Variants in DENND5B observed in about 807,000 individuals in gnomAD.
The protein encoded by DENND5B is DENN domain-containing protein 5B.
DENND5B carries 34 observed loss-of-function variants against 140.6 expected under a neutral mutation model. The observed-to-expected ratio is 0.24, with a 90% CI of 0.18 to 0.32. The LOEUF (loss-of-function observed/expected upper bound fraction) is 0.32, where lower values mean the gene tolerates loss of function less well. Among genes scored for constraint, DENND5B ranks in the 10% least tolerant of loss-of-function variants. The pLI, the probability that DENND5B is intolerant of heterozygous loss-of-function variation, is 1.00. For synonymous variants in DENND5B, 551 were observed against 562.1 expected (o/e 0.98, Z 0.28); for missense variants, 1,142 against 1,560.2 (o/e 0.73, Z 4.52).
chr12:31,389,255 G>A, intron 20 of DENND5B, 69 bp downstream of exon 20: 1 of 1,455,680 alleles, frequency 6.9e-7, no homozygotes. Context: ...GTATGATCTG[G>A]TATAACCTTT....
At chr12:31,491,347 A>G (rs763335295) in intron 2 of DENND5B, among the ~76,000 whole-genome samples, 15 of 152,100 alleles carry the variant, frequency 9.9e-5, no homozygotes, top group Non-Finnish European at 1.6e-4. Flanking sequence ...CAGCTACTCA[A>G]GAGGCTGAAG....
At chr12:31,395,732 C>G (rs1052847122) in intron 17 of DENND5B, among the ~76,000 whole-genome samples, 1 of 152,024 alleles carries the variant, frequency 6.6e-6, no homozygotes, top group Non-Finnish European at 1.5e-5. Context: ...CTATTAGGTA[C>G]CTTTGTTATT....
intron 14 of DENND5B, among the ~76,000 whole-genome samples, chr12:31,405,494 C>A (rs905234345): frequency 2.7e-5 from 4 of 150,826 alleles, no homozygotes; most frequent in African/African-American, 9.8e-5. Flanking sequence ...TTAAGACTAC[C>A]GGCATGAGCC....
chr12:31,457,744 C>T (rs376395133), intron 4 of DENND5B, among the ~76,000 whole-genome samples: 33 of 149,478 alleles, frequency 2.2e-4, no homozygotes, highest in African/African-American at 7.4e-4. Flanking sequence ...GATGGAGTCT[C>T]GCTCTGTCGC....
chr12:31,534,463 C>T (rs914448758), intron 1 of DENND5B, among the ~76,000 whole-genome samples: 4 of 151,942 alleles, frequency 2.6e-5, no homozygotes, highest in Non-Finnish European at 5.9e-5. Flanking sequence ...GTTTTTAGGT[C>T]TAGGCAAGTT....
chr12:31,519,689 T>C (rs1175774604), intron 1 of DENND5B, among the ~76,000 whole-genome samples: 1 of 152,244 alleles, frequency 6.6e-6, no homozygotes, highest in Non-Finnish European at 1.5e-5. Context: ...CTTGAACATA[T>C]GGTTGCTTTC....
chr12:31,422,191 G>A (rs976511059), intron 11 of DENND5B, among the ~76,000 whole-genome samples: 1 of 151,502 alleles, frequency 6.6e-6, no homozygotes, highest in African/African-American at 2.4e-5. Flanking sequence ...AGGCCGAGGC[G>A]GGTGGATCAC....
chr12:31,567,049 G>A (rs911969877), intron 1 of DENND5B, among the ~76,000 whole-genome samples: 9 of 152,250 alleles, frequency 5.9e-5, no homozygotes, highest in African/African-American at 1.4e-4. Context: ...GTTTACTATC[G>A]CATGTATATT....
intron 2 of DENND5B, among the ~76,000 whole-genome samples, chr12:31,488,037 C>G (rs936840633): frequency 6.6e-6 from 1 of 152,078 alleles, no homozygotes; most frequent in South Asian, 2.1e-4. Context: ...CTTACTGCAA[C>G]CTCCACCTCC....
intron 3 of DENND5B, among the ~76,000 whole-genome samples, chr12:31,461,506 T>A (rs1479401294): frequency 6.6e-6 from 1 of 152,160 alleles, no homozygotes; most frequent in Non-Finnish European, 1.5e-5. Flanking sequence ...GATTTAAATG[T>A]TTGGAAGTAG....
chr12:31,555,406 C>G (rs1309410413), intron 1 of DENND5B, among the ~76,000 whole-genome samples: 1 of 152,202 alleles, frequency 6.6e-6, no homozygotes, highest in African/African-American at 2.4e-5. Flanking sequence ...CCTGATCGTT[C>G]TTCTGGAAGT....
intron 1 of DENND5B, among the ~76,000 whole-genome samples, chr12:31,550,300 T>G (rs1456771324): frequency 4.7e-4 from 68 of 145,788 alleles, no homozygotes; most frequent in Admixed American, 1.8e-3. Flanking sequence ...CACCTATGAG[T>G]GAGAACATGT....
At chr12:31,523,336 T>C (rs1947970517) in intron 1 of DENND5B, among the ~76,000 whole-genome samples, 1 of 152,136 alleles carries the variant, frequency 6.6e-6, no homozygotes, top group Admixed American at 6.5e-5. Context: ...GTGTTGGGAT[T>C]ACAGGTGTGA....
chr12:31,461,544 T>C (rs1219569999), intron 3 of DENND5B, among the ~76,000 whole-genome samples: 1 of 152,214 alleles, frequency 6.6e-6, no homozygotes, highest in Non-Finnish European at 1.5e-5. Flanking sequence ...GATTTTTTAA[T>C]TTAGAAAAGC....
rs34652580 is a variant in DENND5B at position 31,416,922 on chromosome 12, CTT to C, written c.2471-1476_2471-1475del. On this transcript the variant is annotated intron_variant, in intron 11 of 20. Transcript: ENST00000389082. The stretch of plus-strand genomic sequence containing the variant: ...TATATGTCTTTTTTTTTTTAATTAG[CTT>C]TTTTTTTTTTTTTTAAATCAGCTGA... 3.2e-3 allele frequency among the ~76,000 whole-genome samples: 417 copies of C among 130,270 alleles called. 1 individual carries two copies. The highest frequency in any genetic ancestry group is 8.1e-3 in the Middle Eastern group (2 of 246). The allele number at this position is 130,270 out of a possible 152,430, so 85.5% of individuals were successfully genotyped here. A position where few individuals can be genotyped will look rare whatever the true frequency, so the allele number is the denominator to read the frequency against.
chr12:31,473,138 A>G (rs1396377255), intron 3 of DENND5B, among the ~76,000 whole-genome samples: 1 of 152,098 alleles, frequency 6.6e-6, no homozygotes, highest in East Asian at 1.9e-4. Context: ...GGGTTTTGCT[A>G]TGTTGCCCAG....
chr12:31,547,818 C>A (rs1345727096), intron 1 of DENND5B, among the ~76,000 whole-genome samples: 1 of 152,062 alleles, frequency 6.6e-6, no homozygotes, highest in African/African-American at 2.4e-5. Context: ...AATTCTCCTG[C>A]CTCAGCCTCC....
intron 1 of DENND5B, among the ~76,000 whole-genome samples, chr12:31,513,696 G>A (rs1947510991): frequency 6.6e-6 from 1 of 151,914 alleles, no homozygotes; most frequent in Non-Finnish European, 1.5e-5. Flanking sequence ...TTCCTTAATT[G>A]CCAGCAGTAT....
chr12:31,550,098 T>G, intron 1 of DENND5B, among the ~76,000 whole-genome samples: 1 of 151,938 alleles, frequency 6.6e-6, no homozygotes, highest in South Asian at 2.1e-4. Flanking sequence ...AGTTTTAGGG[T>G]ACATGTGCAC....
Sources: gnomAD v4.1 joint callset for allele counts (sites outside exome capture counted in the v4.1 genomes callset) on GRCh38, gnomAD v4.1.1 for gene constraint, MANE v1.5 for transcripts, NCBI Gene and HGNC (gene_info 2026-07-23, HGNC 2026-07-21) for gene names.